The following UBQLN1 variants were observed in gnomAD, a reference collection of about 807,000 sequenced individuals.
UBQLN1 encodes the protein ubiquilin 1.
Under a neutral mutation model 65.4 loss-of-function variants are expected in UBQLN1, and 13 were observed. The observed-to-expected ratio is 0.20, with a 90% CI of 0.13 to 0.32. The LOEUF (loss-of-function observed/expected upper bound fraction) is 0.32. Ranked by LOEUF, UBQLN1 falls within the 10% of genes least tolerant of loss-of-function variation. The pLI is 1.00. For missense variants in UBQLN1, 561 were observed against 724.0 expected, an observed-to-expected ratio of 0.77 and a Z score of 2.58; for synonymous variants, 267 against 247.8, an observed-to-expected ratio of 1.08 and a Z score of -0.73.
At chr9:83,695,978 T>C (rs1271782683) in intron 1 of UBQLN1, among the ~76,000 whole-genome samples, 1 of 152,114 alleles carries the variant, frequency 6.6e-6, no homozygotes, top group African/African-American at 2.4e-5. Flanking sequence ...TCTCACTCTG[T>C]TGCCAGGATA....
At chr9:83,693,986 C>T (rs1317794142) in intron 1 of UBQLN1, among the ~76,000 whole-genome samples, 1 of 152,136 alleles carries the variant, frequency 6.6e-6, no homozygotes, top group Non-Finnish European at 1.5e-5. Context: ...TCAAATATTG[C>T]TAATCTAATT....
At chr9:83,703,770 T>A (rs913766226) in intron 1 of UBQLN1, among the ~76,000 whole-genome samples, 1 of 152,200 alleles carries the variant, frequency 6.6e-6, no homozygotes. Flanking sequence ...TAAGCTTTAT[T>A]AGTAACCTTG....
chr9:83,669,610 T>C (rs1831699137), intron 6 of UBQLN1, among the ~76,000 whole-genome samples: 1 of 152,108 alleles, frequency 6.6e-6, no homozygotes, highest in Admixed American at 6.5e-5. Flanking sequence ...AAGGCAAAAA[T>C]TACGTATGGT....
At chr9:83,678,256 C>T (rs1040428086) in intron 5 of UBQLN1, among the ~76,000 whole-genome samples, 185 bp downstream of exon 5, 3 of 152,090 alleles carry the variant, frequency 2.0e-5, no homozygotes, top group East Asian at 1.9e-4. Context: ...CTCCTGACCT[C>T]GGGATCCACC....
chr9:83,666,242 C>G (rs1831641286), intron 8 of UBQLN1, 108 bp downstream of exon 8: 1 of 1,021,374 alleles, frequency 9.8e-7, no homozygotes, highest in South Asian at 1.4e-5. Flanking sequence ...TTATTGGTCT[C>G]TATTCTATGT....
In UBQLN1 at chr9:83,677,968, T is replaced by TAA; in HGVS notation, c.871-9_871-8dup. 1 of 1,562,788 alleles carries TAA rather than the reference T, an allele frequency of 6.4e-7. No homozygotes were observed. The highest frequency in any genetic ancestry group is 1.2e-5 in the South Asian group (1 of 86,278). On this transcript the variant is annotated splice_region_variant and splice_polypyrimidine_tract_variant and intron_variant, in intron 5 of 10. Transcript: ENST00000376395. The stretch of plus-strand genomic sequence containing the variant: ...CAAATGGATTACCACCAAACTGTAA[T>TAA]AAAAGACATAAAAAATCACAAAGAA...
intron 10 of UBQLN1, 100 bp from the exon 11 acceptor site, chr9:83,662,039 G>T: frequency 9.4e-7 from 1 of 1,065,844 alleles, no homozygotes; most frequent in Non-Finnish European, 1.3e-6. Flanking sequence ...AACATATGCT[G>T]ATCTACTGAG....
Position 83,697,077 on chromosome 9 carries a change from T to C in UBQLN1, c.180+10423A>G, listed in dbSNP as rs568029429. 3.6e-4 allele frequency among the ~76,000 whole-genome samples: 55 copies of C among 152,102 alleles called. 1 individual carries two copies. The highest frequency in any genetic ancestry group is 1.3e-3 in the African/African-American group (53 of 41,486). Reference sequence around the variant, plus strand: ...AGGCTTGCACCACCACACCTAGCTATTCAATGAACTTTAAAGACTGAAAAG... The same window carrying C: ...AGGCTTGCACCACCACACCTAGCTACTCAATGAACTTTAAAGACTGAAAAG... On this transcript the variant is annotated intron_variant, in intron 1 of 10. Coordinates refer to ENST00000376395, the MANE Select transcript of UBQLN1 (RefSeq NM_013438.5).
chr9:83,665,368 C>A, intron 8 of UBQLN1: 1 of 385,144 alleles, frequency 2.6e-6, no homozygotes, highest in Non-Finnish European at 4.6e-6. Context: ...ATCATGAAAG[C>A]CATTTCCATA....
chr9:83,687,051 C>A (rs1245773730), intron 1 of UBQLN1, among the ~76,000 whole-genome samples: 1 of 151,642 alleles, frequency 6.6e-6, no homozygotes, highest in African/African-American at 2.4e-5. Context: ...TTACTTTATT[C>A]AATATTTATT....
chr9:83,690,586 G>C (rs1278288387), intron 1 of UBQLN1, among the ~76,000 whole-genome samples: 1 of 152,000 alleles, frequency 6.6e-6, no homozygotes, highest in Non-Finnish European at 1.5e-5. Flanking sequence ...GCTGCAGCAG[G>C]GGCTGGGCGT....
intron 2 of UBQLN1, among the ~76,000 whole-genome samples, chr9:83,683,750 C>T (rs551252634): frequency 1.8e-4 from 28 of 152,220 alleles, no homozygotes; most frequent in African/African-American, 5.8e-4. Context: ...TGGCCAGGTG[C>T]GGTGGCTCAC....
chr9:83,694,241 A>G (rs1832173177), intron 1 of UBQLN1, among the ~76,000 whole-genome samples: 1 of 152,252 alleles, frequency 6.6e-6, no homozygotes, highest in African/African-American at 2.4e-5. Context: ...ATCACATATT[A>G]ACAGCATTTA....
intron 7 of UBQLN1, 106 bp downstream of exon 7, chr9:83,669,079 G>T: frequency 7.6e-7 from 1 of 1,307,644 alleles, no homozygotes; most frequent in Non-Finnish European, 1.0e-6. Context: ...TTTTTCTAGT[G>T]TATTAAGATA....
intron 1 of UBQLN1, among the ~76,000 whole-genome samples, chr9:83,687,912 A>G (rs1564168767): frequency 6.6e-6 from 1 of 152,240 alleles, no homozygotes; most frequent in Non-Finnish European, 1.5e-5. Flanking sequence ...TTCCATCTGC[A>G]TTCTTTCCTT....
Position 83,679,955 on chromosome 9 carries a change from T to G in UBQLN1, c.531A>C (p.Arg177=). The G allele has an allele frequency of 6.2e-7, 1 of 1,614,150 alleles. No individual in the cohort carries two copies. Among genetic ancestry groups the G allele is most frequent in the Non-Finnish European group, 8.5e-7 (1 of 1,180,020 alleles). ...TCATTTCAGGGTTAGACAAAAGTTG[T>G]CGCTGCATCTGACTCTGTAGTTCAG... The part of the protein sequence containing the change: ...NFSELQSQMQ[R]QLLSNPEMMV... Residue 177 remains arginine, a synonymous_variant, in exon 4 of 11, where the codon CGA becomes CGC. Coordinates refer to ENST00000376395, the MANE Select transcript of UBQLN1 (RefSeq NM_013438.5).
rs142538970 is a variant in UBQLN1, at chr9:83,687,893, T to G, written c.181-1738A>C. 3.4e-4 allele frequency among the ~76,000 whole-genome samples: 52 copies of G among 152,352 alleles called. No homozygotes were observed. In the East Asian group the frequency reaches 9.2e-3, roughly 27 times the overall value. On this transcript the variant is annotated intron_variant, in intron 1 of 10. Coordinates refer to ENST00000376395, the MANE Select transcript of UBQLN1 (RefSeq NM_013438.5). Reference sequence around the variant, plus strand: ...ACAAAACTATACTTCAGTAAATATTTTGAAGCTTTTCCATCTGCATTCTTT... The same window carrying G: ...ACAAAACTATACTTCAGTAAATATTGTGAAGCTTTTCCATCTGCATTCTTT...
At position 83,664,779 on chromosome 9, in the gene UBQLN1, T is replaced by G. The variant is rs142060942; in HGVS notation, c.1448+251A>C. The stretch of plus-strand genomic sequence containing the variant: ...AAATTATATATATAAATTAGCTAGG[T>G]GTGGTGGTGCACACCTGTAGTCCCA... On this transcript the variant is annotated intron_variant, in intron 9 of 10. Transcript: ENST00000376395. Among the ~76,000 whole-genome samples, 1,294 of 150,972 alleles carry G rather than the reference T, an allele frequency of 8.6e-3. 21 individuals are homozygous for G. Among genetic ancestry groups the G allele is most frequent in the African/African-American group, 0.03 (1,231 of 41,148 alleles).
chr9:83,685,305 C>G (rs1272688388), intron 2 of UBQLN1, among the ~76,000 whole-genome samples: 2 of 152,148 alleles, frequency 1.3e-5, no homozygotes, highest in African/African-American at 2.4e-5. Context: ...CTTGACAGAA[C>G]AGAGTTTGAT....
Sources: gnomAD v4.1 joint callset for allele counts (sites outside exome capture counted in the v4.1 genomes callset) on GRCh38, gnomAD v4.1.1 for gene constraint, MANE v1.5 for transcripts, NCBI Gene and HGNC (gene_info 2026-07-23, HGNC 2026-07-21) for gene names.